INTS15: variants seen among roughly 807,000 people sequenced by gnomAD.
INTS15 encodes uncharacterized protein C7orf26.
At chr7:6,591,964 G>C in the INTS15 span, 2 of 1,112,472 alleles carry the variant, frequency 1.8e-6, no homozygotes, top group African/African-American at 3.1e-5. Flanking sequence ...TTGAGGTCAG[G>C]GGTTCAAGAC....
chr7:6,596,901 A>G, the INTS15 span, among the ~76,000 whole-genome samples: 1 of 151,482 alleles, frequency 6.6e-6, no homozygotes, highest in Non-Finnish European at 1.5e-5. Context: ...CTCCTGCCTC[A>G]GCCTGTAGCT....
the INTS15 span, chr7:6,607,456 G>A: frequency 1.8e-5 from 19 of 1,078,292 alleles, no homozygotes; most frequent in South Asian, 2.5e-4. This position sits in a 1 kb window ranked among gnomAD's most constrained non-coding sequence, Gnocchi z 6.0. Flanking sequence ...GGAGGTGGGT[G>A]GGTCCCGGAG....
At chr7:6,595,704 A>C in the INTS15 span, among the ~76,000 whole-genome samples, 1 of 152,024 alleles carries the variant, frequency 6.6e-6, no homozygotes, top group African/African-American at 2.4e-5. Context: ...TTGGATATAG[A>C]ATCTTGCTCT....
At chr7:6,595,608 T>C in the INTS15 span, among the ~76,000 whole-genome samples, 1 of 152,238 alleles carries the variant, frequency 6.6e-6, no homozygotes, top group African/African-American at 2.4e-5. Flanking sequence ...AAGCAAGCTC[T>C]AGTGTCTGTG....
the INTS15 span, chr7:6,600,154 G>C: frequency 6.2e-7 from 1 of 1,614,264 alleles, no homozygotes; most frequent in Non-Finnish European, 8.5e-7. Flanking sequence ...TGACGCTGCA[G>C]CTGCACCTGA....
chr7:6,607,481 G>A, the INTS15 span: 1 of 1,267,044 alleles, frequency 7.9e-7, no homozygotes, highest in African/African-American at 1.5e-5. The surrounding 1 kb of genome is among the most constrained non-coding windows in gnomAD (Gnocchi z 6.0). Context: ...GTAACGGCTG[G>A]GTCCAGGCCT....
chr7:6,606,416 C>T, the INTS15 span, among the ~76,000 whole-genome samples: 3 of 152,058 alleles, frequency 2.0e-5, no homozygotes, highest in Admixed American at 2.0e-4. Context: ...GCTGGGAAAA[C>T]GGGTTGTTGT....
chr7:6,606,034 G>A, the INTS15 span, among the ~76,000 whole-genome samples: 2 of 152,114 alleles, frequency 1.3e-5, no homozygotes, highest in East Asian at 1.9e-4. Flanking sequence ...TGTGTTCACC[G>A]TGTTTCCAAA....
chr7:6,597,249 A>G, the INTS15 span, among the ~76,000 whole-genome samples: 1 of 151,588 alleles, frequency 6.6e-6, no homozygotes, highest in Non-Finnish European at 1.5e-5. Context: ...TCATCTTCCA[A>G]TAGGAAAGAT....
chr7:6,602,391 C>T, the INTS15 span: 6 of 498,030 alleles, frequency 1.2e-5, no homozygotes, highest in East Asian at 1.1e-4. Context: ...TGAAGGTGCA[C>T]CTGTTGAGTG....
the INTS15 span, among the ~76,000 whole-genome samples, chr7:6,598,815 C>G: frequency 6.5e-5 from 8 of 124,020 alleles, no homozygotes; most frequent in Admixed American, 4.8e-4. Flanking sequence ...GAGGCAGGAT[C>G]TCACTCTGTT....
At chr7:6,590,081 C>A in the INTS15 span, 2 of 335,330 alleles carry the variant, frequency 6.0e-6, no homozygotes, top group Admixed American at 5.0e-5. Context: ...GCGCCGCAGT[C>A]GGACCTTCGG....
the INTS15 span, among the ~76,000 whole-genome samples, chr7:6,597,243 C>T: frequency 2.6e-5 from 4 of 151,746 alleles, no homozygotes; most frequent in Non-Finnish European, 5.9e-5. Context: ...GGTCTTTCAT[C>T]TTCCAATAGG....
At chr7:6,598,787 AT>A in the INTS15 span, among the ~76,000 whole-genome samples, 426 of 70,550 alleles carry the variant, frequency 6.0e-3, 1 homozygote, top group Non-Finnish European at 7.5e-3. Flanking sequence ...GTGTGTGTGT[AT>A]TTTTTTTTTT....
the INTS15 span, among the ~76,000 whole-genome samples, chr7:6,594,876 A>G: frequency 6.6e-6 from 1 of 151,884 alleles, no homozygotes; most frequent in African/African-American, 2.4e-5. Context: ...GGCATGCGCC[A>G]CTACTCCTGG....
chr7:6,602,511 T>C, the INTS15 span, among the ~76,000 whole-genome samples: 2 of 152,218 alleles, frequency 1.3e-5, no homozygotes, highest in Non-Finnish European at 2.9e-5. Flanking sequence ...TTAGGCTAGC[T>C]GCCAGCGCTT....
the INTS15 span, among the ~76,000 whole-genome samples, chr7:6,592,948 T>C: frequency 1.3e-5 from 2 of 152,318 alleles, no homozygotes; most frequent in Non-Finnish European, 2.9e-5. Flanking sequence ...CAAGTACTGC[T>C]GTAAACACAC....
chr7:6,598,735 T>TTGTGTGTGTGTGTGTG, the INTS15 span, among the ~76,000 whole-genome samples: 764 of 83,558 alleles, frequency 9.1e-3, 25 homozygotes, highest in Admixed American at 0.019. Context: ...GCTGTATGCT[T>TTGTGTGTGTGTGTGTG]TGTGTGTGTG....
the INTS15 span, among the ~76,000 whole-genome samples, chr7:6,594,226 C>G: frequency 3.4e-5 from 5 of 147,240 alleles, no homozygotes; most frequent in Non-Finnish European, 7.5e-5. Context: ...AGGCTGGTCT[C>G]GAACTCCTGA....
Sources: allele counts gnomAD v4.1 joint callset (sites outside exome capture counted in the v4.1 genomes callset), GRCh38; gene constraint gnomAD v4.1.1; non-coding constraint Gnocchi (gnomAD v3.1); transcripts MANE v1.5; gene names NCBI Gene and HGNC (gene_info 2026-07-23, HGNC 2026-07-21).